Variants in GLIS1 observed in about 807,000 individuals in gnomAD.
The protein encoded by GLIS1 is GLIS family zinc finger 1, also known as zinc finger protein GLIS1.
Under a neutral mutation model 63.8 loss-of-function variants are expected in GLIS1, and 24 were observed. That is an observed-to-expected ratio of 0.38 (90% CI 0.27 to 0.53). The LOEUF is 0.53. Ranked by LOEUF, GLIS1 falls within the 20% of genes least tolerant of loss-of-function variation. GLIS1 has a pLI of 0.85. For synonymous variants in GLIS1, 450 were observed against 482.5 expected (o/e 0.93, Z 0.88); for missense variants, 1,036 against 1,074.1 (o/e 0.96, Z 0.50).
Position 53,506,773 on chromosome 1 carries a change from T to G in GLIS1, c.2234A>C (p.Tyr745Ser), listed in dbSNP as rs1336305280. Residue 745 changes from tyrosine (Y) to serine (S), a missense_variant, in exon 11 of 11, where the codon TAT (tyrosine) becomes TCT (serine). Tyr to Ser is a moderately radical substitution (Grantham distance 144). Coordinates refer to ENST00000628545, the MANE Select transcript of GLIS1 (RefSeq NM_001367484.1). ...SLSTPLPATG[Y>S]EALAEASCPT... is the part of the protein sequence containing the mutation. ...GCATGAGGCCTCAGCCAGGGCCTCA[T>G]AGCCTGTGAGTGGTTGGGAAAGGGT... 1 of 1,609,478 alleles carries G rather than the reference T, an allele frequency of 6.2e-7. No homozygotes were observed. Among genetic ancestry groups the G allele is most frequent in the Non-Finnish European group, 8.5e-7 (1 of 1,179,764 alleles).
intron 2 of GLIS1, among the ~76,000 whole-genome samples, chr1:53,719,060 T>C (rs969650722): frequency 6.6e-6 from 1 of 152,182 alleles, no homozygotes; most frequent in African/African-American, 2.4e-5. Flanking sequence ...CCAGCCTCTC[T>C]CCTCTACCTG....
At chr1:53,676,844 T>C (rs766420237) in intron 2 of GLIS1, among the ~76,000 whole-genome samples, 70 of 152,210 alleles carry the variant, frequency 4.6e-4, no homozygotes, top group Non-Finnish European at 8.2e-4. Context: ...GGAGTTCTAA[T>C]ACCCCCTTGA....
chr1:53,677,783 A>G (rs1570033828), intron 2 of GLIS1, among the ~76,000 whole-genome samples: 2 of 151,916 alleles, frequency 1.3e-5, no homozygotes, highest in East Asian at 3.9e-4. Context: ...CTCTGTCATC[A>G]CCTCAAGAAC....
intron 7 of GLIS1, among the ~76,000 whole-genome samples, chr1:53,516,743 GC>G (rs1429934720): frequency 2.0e-5 from 3 of 151,784 alleles, no homozygotes; most frequent in Non-Finnish European, 2.9e-5. Flanking sequence ...AACCCGAAAC[GC>G]GGAGGTTGCA....
chr1:53,738,375 C>A (rs1646933814), intron 1 of GLIS1, among the ~76,000 whole-genome samples: 1 of 152,186 alleles, frequency 6.6e-6, no homozygotes, highest in African/African-American at 2.4e-5. Flanking sequence ...CCACCCAAAT[C>A]CTCCTCCACC....
intron 4 of GLIS1, among the ~76,000 whole-genome samples, chr1:53,567,880 T>C (rs1412849740): frequency 6.6e-6 from 1 of 152,238 alleles, no homozygotes; most frequent in African/African-American, 2.4e-5. Flanking sequence ...TGGAAATGCC[T>C]GAATGTCCAG....
At position 53,522,433 on chromosome 1, in the gene GLIS1, C is replaced by G. The variant is rs554794702; in HGVS notation, c.1594-1667G>C. Among the ~76,000 whole-genome samples, 5 of 152,278 alleles carry G rather than the reference C, an allele frequency of 3.3e-5. No homozygotes were observed. The South Asian group carries it at 1.0e-3, about 32-fold the overall frequency. ...GGCACTGGTCCGCTTGGGACAGAAG[C>G]CTCCCTGGTGTGGAGCTCCAGTCTG... On this transcript the variant is annotated intron_variant, in intron 6 of 10. Coordinates refer to ENST00000628545, the MANE Select transcript of GLIS1 (RefSeq NM_001367484.1).
chr1:53,692,456 T>C (rs1376320255), intron 2 of GLIS1, among the ~76,000 whole-genome samples: 2 of 152,244 alleles, frequency 1.3e-5, no homozygotes, highest in Admixed American at 1.3e-4. Context: ...CTAGCAATTA[T>C]TGAGCACTTA....
intron 2 of GLIS1, among the ~76,000 whole-genome samples, chr1:53,629,794 C>T (rs1331036784): frequency 6.6e-6 from 1 of 152,184 alleles, no homozygotes; most frequent in African/African-American, 2.4e-5. Context: ...ATCTGTCTGT[C>T]CCACTTGAAT....
intron 3 of GLIS1, among the ~76,000 whole-genome samples, chr1:53,599,523 T>C (rs916757369): frequency 6.6e-6 from 1 of 152,244 alleles, no homozygotes; most frequent in African/African-American, 2.4e-5. Context: ...CTTTTCTTTA[T>C]AAATTACCCA....
At chr1:53,678,335 G>C (rs1281378042) in intron 2 of GLIS1, among the ~76,000 whole-genome samples, 7 of 138,734 alleles carry the variant, frequency 5.0e-5, no homozygotes, top group African/African-American at 1.8e-4. Context: ...GTGAGGGGGG[G>C]GGGGTGGGGG....
In GLIS1 at chr1:53,713,062, A is replaced by G. The variant is rs575145972; in HGVS notation, c.259+24744T>C. On this transcript the variant is annotated intron_variant, in intron 2 of 10. Transcript: ENST00000628545. Reference sequence around the variant, plus strand: ...AGAAATACCAAAAAGGAAGGAACAGAGACGTTGTAGAAAGAAGAGGTGACA... The same window carrying G: ...AGAAATACCAAAAAGGAAGGAACAGGGACGTTGTAGAAAGAAGAGGTGACA... Among the ~76,000 whole-genome samples, 8 of 152,370 alleles carry G rather than the reference A, an allele frequency of 5.3e-5. No individual in the cohort carries two copies. The East Asian group carries it at 1.5e-3, about 29-fold the overall frequency.
intron 4 of GLIS1, among the ~76,000 whole-genome samples, chr1:53,531,882 C>T (rs777637499): frequency 2.6e-5 from 4 of 152,202 alleles, no homozygotes; most frequent in East Asian, 3.9e-4. Flanking sequence ...TGGCCCTGCC[C>T]GAGCCCTGAA....
chr1:53,631,898 T>G (rs924761647), intron 2 of GLIS1, among the ~76,000 whole-genome samples: 1 of 151,628 alleles, frequency 6.6e-6, no homozygotes, highest in Non-Finnish European at 1.5e-5. Context: ...GCCAGTGGGC[T>G]GGTGTGGAGC....
At chr1:53,519,748 G>T (rs1212319261) in intron 7 of GLIS1, among the ~76,000 whole-genome samples, 1 of 152,188 alleles carries the variant, frequency 6.6e-6, no homozygotes, top group Non-Finnish European at 1.5e-5. Context: ...CAGGGGCTCT[G>T]GGGGCCCCAT....
chr1:53,652,964 A>G (rs954046529), intron 2 of GLIS1, among the ~76,000 whole-genome samples: 5 of 152,230 alleles, frequency 3.3e-5, no homozygotes, highest in Non-Finnish European at 4.4e-5. Flanking sequence ...CAGGGCGGCC[A>G]AGAAGATCAG....
intron 2 of GLIS1, among the ~76,000 whole-genome samples, chr1:53,679,587 G>T (rs1225265287): frequency 6.6e-6 from 1 of 152,192 alleles, no homozygotes; most frequent in Non-Finnish European, 1.5e-5. Flanking sequence ...CATTTACACA[G>T]AGCCCAGGGA....
At chr1:53,733,538 C>G (rs1164322678) in intron 2 of GLIS1, among the ~76,000 whole-genome samples, 1 of 152,162 alleles carries the variant, frequency 6.6e-6, no homozygotes, top group Non-Finnish European at 1.5e-5. Context: ...GTCCTAGCTT[C>G]TAGAAAGCTT....
chr1:53,594,598 T>C lies in GLIS1; in HGVS notation c.830A>G (p.Asn277Ser). 2 of 1,585,834 alleles carry C rather than the reference T, an allele frequency of 1.3e-6. No individual in the cohort carries two copies. Among genetic ancestry groups the C allele is most frequent in the Non-Finnish European group, 1.7e-6 (2 of 1,162,558 alleles). ...SSQTSLVTCV[N>S]GLRSPPLTGD... Reference sequence around the variant, plus strand: ...CGTCAGAGGGGGGCTCCGGAGTCCATTTACACAGGTGACCAGAGACGTCTG... The same window carrying C: ...CGTCAGAGGGGGGCTCCGGAGTCCACTTACACAGGTGACCAGAGACGTCTG... Residue 277 changes from asparagine to serine, a missense_variant, in exon 4 of 11, where the codon AAT becomes AGT. Transcript: ENST00000628545.
Sources: allele counts gnomAD v4.1 joint callset (sites outside exome capture counted in the v4.1 genomes callset), GRCh38; gene constraint gnomAD v4.1.1; transcripts MANE v1.5; gene names NCBI Gene and HGNC (gene_info 2026-07-23, HGNC 2026-07-21).